The following ADGRB3 variants were observed in gnomAD, a reference collection of about 807,000 sequenced individuals.
The protein encoded by ADGRB3 is brain-specific angiogenesis inhibitor 3.
Under a neutral mutation model 193.4 loss-of-function variants are expected in ADGRB3, and 37 were observed. The ratio of observed to expected loss-of-function variants is 0.19; its 90% confidence interval spans 0.15 to 0.25. The LOEUF (loss-of-function observed/expected upper bound fraction) is 0.25, where lower values mean the gene tolerates loss of function less well. ADGRB3 is among the 10% of genes least tolerant of loss of function. The pLI is 1.00. For synonymous variants in ADGRB3, 690 were observed against 644.2 expected (o/e 1.07, Z -1.08); for missense variants, 1,637 against 1,852.9 (o/e 0.88, Z 2.14).
rs1289427821 is a variant in ADGRB3, at chr6:68,836,143, G to A, written c.758-94416G>A. Among the ~76,000 whole-genome samples the A allele has an allele frequency of 3.3e-5, 5 of 152,050 alleles. No homozygotes were observed. The East Asian group carries it at 9.7e-4, about 29-fold the overall frequency. On this transcript the variant is annotated intron_variant, in intron 3 of 31. Transcript: ENST00000370598. ...TCCATGTGGCAAACTAAAAGCCTGA[G>A]TTGTATTAGAAATGCCATGAAGCTC...
intron 8 of ADGRB3, among the ~76,000 whole-genome samples, chr6:68,968,765 A>G (rs934420146): frequency 6.6e-6 from 1 of 152,124 alleles, no homozygotes; most frequent in Non-Finnish European, 1.5e-5. Flanking sequence ...GAACTTTAAC[A>G]TTTGTCCTAA....
intron 3 of ADGRB3, among the ~76,000 whole-genome samples, chr6:68,772,897 ATATATATATATATAT>A (rs1562023418): frequency 5.8e-3 from 72 of 12,340 alleles, no homozygotes; most frequent in African/African-American, 0.033. Flanking sequence ...AAAAAAAAAT[ATATATATATATATAT>A]ATATATATAT....
intron 17 of ADGRB3, chr6:69,232,416 G>A (rs1329831947): frequency 1.2e-5 from 17 of 1,464,406 alleles, no homozygotes; most frequent in Non-Finnish European, 1.4e-5. Flanking sequence ...ATATGCTTTA[G>A]CATTTTAAAT....
chr6:69,046,524 G>A (rs543268818), intron 13 of ADGRB3, among the ~76,000 whole-genome samples: 19 of 152,254 alleles, frequency 1.2e-4, no homozygotes, highest in Admixed American at 3.9e-4. Flanking sequence ...CTGGTATCCC[G>A]AAACAGCATT....
At chr6:69,129,346 A>G (rs180690667) in intron 17 of ADGRB3, among the ~76,000 whole-genome samples, 4 of 152,180 alleles carry the variant, frequency 2.6e-5, no homozygotes, top group Non-Finnish European at 5.9e-5. Context: ...ACATGAAATA[A>G]AAACAGAAAA....
chr6:69,246,428 A>T (rs1279240704), intron 20 of ADGRB3, among the ~76,000 whole-genome samples: 1 of 152,166 alleles, frequency 6.6e-6, no homozygotes, highest in Non-Finnish European at 1.5e-5. Flanking sequence ...GTTATTCTGG[A>T]TTCCTGAAAA....
chr6:68,834,290 C>T (rs961630773), intron 3 of ADGRB3, among the ~76,000 whole-genome samples: 1 of 152,042 alleles, frequency 6.6e-6, no homozygotes, highest in Non-Finnish European at 1.5e-5. Flanking sequence ...AAATTTACAT[C>T]AGCAAGAGTG....
intron 3 of ADGRB3, among the ~76,000 whole-genome samples, chr6:68,880,278 G>C (rs895432512): frequency 1.3e-5 from 2 of 152,268 alleles, no homozygotes; most frequent in Middle Eastern, 3.4e-3. Context: ...TGCAGTTAAA[G>C]CCAGGCATGA....
intron 3 of ADGRB3, among the ~76,000 whole-genome samples, chr6:68,664,228 G>A (rs947377000): frequency 1.3e-5 from 2 of 151,516 alleles, no homozygotes; most frequent in African/African-American, 4.8e-5. Context: ...CTCAAATACC[G>A]ATTTTTTTTT....
At chr6:68,978,443 A>T (rs955231188) in intron 10 of ADGRB3, among the ~76,000 whole-genome samples, 1 of 151,550 alleles carries the variant, frequency 6.6e-6, no homozygotes, top group African/African-American at 2.4e-5. Context: ...ATACACACAC[A>T]TTTGTACATG....
At chr6:68,732,043 A>G (rs1765785659) in intron 3 of ADGRB3, among the ~76,000 whole-genome samples, 1 of 151,806 alleles carries the variant, frequency 6.6e-6, no homozygotes, top group African/African-American at 2.4e-5. Context: ...ATAATGCATG[A>G]ATTAATTTTA....
chr6:69,345,112 A>G (rs1010236380), intron 26 of ADGRB3, among the ~76,000 whole-genome samples: 4 of 152,162 alleles, frequency 2.6e-5, no homozygotes, highest in Admixed American at 6.6e-5. Context: ...AGAATGTTCA[A>G]TGACCATGAT....
chr6:68,828,203 A>G lies in ADGRB3; in HGVS notation c.758-102356A>G, dbSNP rs188705263. Among the ~76,000 whole-genome samples, 473 of 151,818 alleles carry G rather than the reference A, an allele frequency of 3.1e-3. 1 individual carries two copies. Among genetic ancestry groups the G allele is most frequent in the Non-Finnish European group, 5.7e-3 (387 of 67,930 alleles). On this transcript the variant is annotated intron_variant, in intron 3 of 31. Coordinates refer to ENST00000370598, the MANE Select transcript of ADGRB3 (RefSeq NM_001704.3). ...TACAGGTGCCTTTTTTTTTTCCTCAATTTGGCTGCCTAAGTGCAATACATT... is the reference window on the plus strand; with the variant it reads ...TACAGGTGCCTTTTTTTTTTCCTCAGTTTGGCTGCCTAAGTGCAATACATT...
chr6:68,683,716 G>GT (rs1764935830), intron 3 of ADGRB3, among the ~76,000 whole-genome samples: 3 of 152,162 alleles, frequency 2.0e-5, no homozygotes, highest in Admixed American at 6.5e-5. Context: ...TAGGACTAAT[G>GT]GAAGATTGTG....
chr6:69,292,196 C>T (rs551242944), intron 20 of ADGRB3, among the ~76,000 whole-genome samples: 1 of 152,262 alleles, frequency 6.6e-6, no homozygotes, highest in East Asian at 1.9e-4. Context: ...ATGCTTTTCT[C>T]TTTTTAAATT....
chr6:69,287,065 A>C (rs1479668005), intron 20 of ADGRB3, among the ~76,000 whole-genome samples: 2 of 152,214 alleles, frequency 1.3e-5, no homozygotes, highest in Middle Eastern at 3.2e-3. Context: ...TTCACATCAT[A>C]TAATGTTTTG....
intron 17 of ADGRB3, among the ~76,000 whole-genome samples, chr6:69,165,999 C>A (rs1011341849): frequency 6.6e-6 from 1 of 151,968 alleles, no homozygotes; most frequent in African/African-American, 2.4e-5. Flanking sequence ...ATTATTGAAA[C>A]AATACTTCTG....
intron 17 of ADGRB3, among the ~76,000 whole-genome samples, chr6:69,097,337 G>A (rs1772910866): frequency 6.6e-6 from 1 of 152,124 alleles, no homozygotes; most frequent in African/African-American, 2.4e-5. Context: ...CTTAAAGAAA[G>A]TATTTTTTAA....
rs189648709 is a variant in ADGRB3 at position 68,979,447 on chromosome 6, T to C, written c.1734+4107T>C. Among the ~76,000 whole-genome samples, 290 of 151,624 alleles carry C rather than the reference T, an allele frequency of 1.9e-3. 3 individuals carry two copies. The highest frequency in any genetic ancestry group is 6.6e-3 in the African/African-American group (272 of 41,516). On this transcript the variant is annotated intron_variant, in intron 10 of 31. Coordinates refer to ENST00000370598, the MANE Select transcript of ADGRB3 (RefSeq NM_001704.3). ...TTAGTTAATACTTATGAAGTTTATT[T>C]GGAAGCCTTATAAGATGCAAAGTTA...
Sources: allele counts gnomAD v4.1 joint callset (sites outside exome capture counted in the v4.1 genomes callset), GRCh38; gene constraint gnomAD v4.1.1; transcripts MANE v1.5; gene names NCBI Gene and HGNC (gene_info 2026-07-23, HGNC 2026-07-21).